The following GDAP1L1 variants were observed in gnomAD, a reference collection of about 807,000 sequenced individuals.
The protein encoded by GDAP1L1 is ganglioside-induced differentiation-associated protein 1-like 1.
In GDAP1L1, 21 loss-of-function variants were observed where a neutral mutation model predicts 37.1. That is an observed-to-expected ratio of 0.57 (90% CI 0.40 to 0.81). The LOEUF (loss-of-function observed/expected upper bound fraction) is 0.81. GDAP1L1 is among the 40% of genes least tolerant of loss of function. The probability of loss-of-function intolerance (pLI) is 0.00; values close to 1 mark genes in which losing one functional copy is unlikely to be tolerated. For synonymous variants in GDAP1L1, 193 were observed against 209.1 expected (o/e 0.92, Z 0.67); for missense variants, 362 against 491.6 (o/e 0.74, Z 2.49).
chr20:44,247,195 A>G (rs1276350600), upstream of GDAP1L1: 7 of 848,098 alleles, frequency 8.3e-6, no homozygotes, highest in African/African-American at 1.7e-5. Flanking sequence ...CCCTCCCCCA[A>G]CTGCCCGGTG....
At chr20:44,275,954 C>T (rs531108361) in intron 5 of GDAP1L1, among the ~76,000 whole-genome samples, 1 of 152,182 alleles carries the variant, frequency 6.6e-6, no homozygotes, top group East Asian at 1.9e-4. Context: ...TTGATTACAT[C>T]AAAGAAAGAG....
chr20:44,278,287 C>T (rs143788878), intron 5 of GDAP1L1, among the ~76,000 whole-genome samples: 330 of 152,114 alleles, frequency 2.2e-3, no homozygotes, highest in African/African-American at 7.8e-3. Context: ...GGGGGAATTC[C>T]ATTTTGAGTT....
chr20:44,256,659 TA>T (rs955128727), intron 1 of GDAP1L1, among the ~76,000 whole-genome samples: 1 of 150,614 alleles, frequency 6.6e-6, no homozygotes, highest in Non-Finnish European at 1.5e-5. Flanking sequence ...GACTCTGTCT[TA>T]AAAAAAAGGG....
At chr20:44,259,429 G>A (rs182797762) in intron 3 of GDAP1L1, among the ~76,000 whole-genome samples, 2 of 152,190 alleles carry the variant, frequency 1.3e-5, no homozygotes, top group East Asian at 1.9e-4. Context: ...GGGTTGGGGC[G>A]GTGTTAGGTT....
At chr20:44,259,316 G>A (rs1229009538) in intron 3 of GDAP1L1, among the ~76,000 whole-genome samples, 2 of 152,114 alleles carry the variant, frequency 1.3e-5, no homozygotes, top group East Asian at 1.9e-4. Flanking sequence ...ACACCATGGG[G>A]TCCTACAGCC....
chr20:44,258,068 G>T (rs936629098), intron 2 of GDAP1L1: 15 of 680,136 alleles, frequency 2.2e-5, no homozygotes, highest in Non-Finnish European at 3.3e-5. Context: ...GGGCATCAGG[G>T]CCCAGACATG....
chr20:44,256,471 A>G (rs7262999), intron 1 of GDAP1L1, among the ~76,000 whole-genome samples: 2,899 of 152,178 alleles, frequency 0.019, 106 homozygotes, highest in African/African-American at 0.066. Context: ...GGAGTTGAAG[A>G]CCAGCCTGAC....
chr20:44,260,863 C>T (rs969942317), intron 3 of GDAP1L1, among the ~76,000 whole-genome samples: 1 of 152,080 alleles, frequency 6.6e-6, no homozygotes, highest in Non-Finnish European at 1.5e-5. Flanking sequence ...AGTGGAGAAA[C>T]GGTGATGGGA....
intron 3 of GDAP1L1, among the ~76,000 whole-genome samples, chr20:44,259,915 G>A (rs769269469): frequency 8.5e-5 from 13 of 152,132 alleles, no homozygotes; most frequent in Non-Finnish European, 1.6e-4. Context: ...TGCCATCCCA[G>A]GGTCAAGTTC....
chr20:44,279,956 G>A lies in GDAP1L1; in HGVS notation c.*656G>A. Reference sequence around the variant, plus strand: ...ATTGTCCTTCTGATTTGGTCCATGTGTTGGGTTTGGCCTTAGTAGAAATCT... The same window carrying A: ...ATTGTCCTTCTGATTTGGTCCATGTATTGGGTTTGGCCTTAGTAGAAATCT... On this transcript the variant is annotated 3_prime_UTR_variant, in exon 6 of 6. Coordinates refer to ENST00000342560, the MANE Select transcript of GDAP1L1 (RefSeq NM_024034.6). 1 of 360,618 alleles carries A rather than the reference G, an allele frequency of 2.8e-6. No homozygotes were observed. Among genetic ancestry groups the A allele is most frequent in the Non-Finnish European group, 5.5e-6 (1 of 182,472 alleles). 22.3% of individuals were successfully genotyped at this position (360,618 alleles called of 1,614,324 possible).
intron 5 of GDAP1L1, among the ~76,000 whole-genome samples, chr20:44,274,318 C>A (rs1309294667): frequency 6.6e-6 from 1 of 152,172 alleles, no homozygotes; most frequent in Non-Finnish European, 1.5e-5. Flanking sequence ...TTATTCCTCC[C>A]AACTTATGAA....
At chr20:44,270,592 G>T (rs182115471) in intron 5 of GDAP1L1, among the ~76,000 whole-genome samples, 19 of 152,346 alleles carry the variant, frequency 1.2e-4, no homozygotes, top group Admixed American at 3.9e-4. Context: ...CAAGCTGTCA[G>T]CTGGGGCTGC....
chr20:44,280,430 T>C lies in GDAP1L1; in HGVS notation c.*1130T>C, dbSNP rs751724935. 1 of 152,940 alleles carries C rather than the reference T, an allele frequency of 6.5e-6. No individual in the cohort carries two copies. Among genetic ancestry groups the C allele is most frequent in the Non-Finnish European group, 1.5e-5 (1 of 68,240 alleles). 9.5% of individuals were successfully genotyped at this position (152,940 alleles called of 1,614,324 possible). ...CCATCTAGTTCTCATTGCCAAGTGC[T>C]GGAGCCAGAAGGGTAGAGATGTGAG... On this transcript the variant is annotated 3_prime_UTR_variant, in exon 6 of 6. Coordinates refer to ENST00000342560, the MANE Select transcript of GDAP1L1 (RefSeq NM_024034.6).
At chr20:44,266,047 G>A (rs1484603147) in intron 5 of GDAP1L1, among the ~76,000 whole-genome samples, 3 of 152,178 alleles carry the variant, frequency 2.0e-5, no homozygotes, top group Non-Finnish European at 2.9e-5. Flanking sequence ...AATGGCTCAC[G>A]CCTGTAATCC....
chr20:44,276,544 G>A (rs916123553), intron 5 of GDAP1L1, among the ~76,000 whole-genome samples: 6 of 152,154 alleles, frequency 3.9e-5, no homozygotes, highest in Non-Finnish European at 8.8e-5. Flanking sequence ...ATACTTTGAC[G>A]GGCAGTATTA....
chr20:44,277,478 G>T (rs2062595803), intron 5 of GDAP1L1, among the ~76,000 whole-genome samples: 2 of 152,206 alleles, frequency 1.3e-5, no homozygotes, highest in African/African-American at 4.8e-5. Flanking sequence ...GAGGAAGCGG[G>T]AGAGAAGCAG....
chr20:44,266,003 A>G (rs1012145214), intron 5 of GDAP1L1, among the ~76,000 whole-genome samples: 1 of 152,208 alleles, frequency 6.6e-6, no homozygotes, highest in Admixed American at 6.5e-5. Flanking sequence ...TAAAAAAAAT[A>G]ACGCACCTCA....
chr20:44,274,647 T>G (rs912949956), intron 5 of GDAP1L1, among the ~76,000 whole-genome samples: 6 of 152,204 alleles, frequency 3.9e-5, no homozygotes, highest in African/African-American at 1.4e-4. Flanking sequence ...TTCTCCTACC[T>G]GAAAGGCGGC....
At position 44,258,058 on chromosome 20, in the gene GDAP1L1, G is replaced by A. The variant is rs1462863234; in HGVS notation, c.374-376G>A. On this transcript the variant is annotated intron_variant, in intron 2 of 5. Coordinates refer to ENST00000342560, the MANE Select transcript of GDAP1L1 (RefSeq NM_024034.6). ...GCATAGGCTCAGACACCCACTGGGAGGGCATCAGGGCCCAGACATGCACTG... is the reference window on the plus strand; with the variant it reads ...GCATAGGCTCAGACACCCACTGGGAAGGCATCAGGGCCCAGACATGCACTG... 1.0e-5 allele frequency: 7 copies of A among 668,064 alleles called. No homozygotes were observed. In the Admixed American group the frequency reaches 1.3e-4, roughly 12 times the overall value. 41.4% of individuals were successfully genotyped at this position (668,064 alleles called of 1,614,324 possible).
Sources: gnomAD v4.1 joint callset for allele counts (sites outside exome capture counted in the v4.1 genomes callset) on GRCh38, gnomAD v4.1.1 for gene constraint, MANE v1.5 for transcripts, NCBI Gene and HGNC (gene_info 2026-07-23, HGNC 2026-07-21) for gene names.